Variants in RCC1L observed in about 807,000 individuals in gnomAD.
RCC1L encodes the protein RCC1-like G exchanging factor-like protein.
A neutral mutation model predicts 58.6 loss-of-function variants in RCC1L; 46 were observed. That is an observed-to-expected ratio of 0.79 (90% CI 0.62 to 1.00). RCC1L has a LOEUF of 1.00. Ranked by LOEUF, RCC1L falls within the 50% of genes least tolerant of loss-of-function variation. RCC1L has a pLI of 0.00. For synonymous variants in RCC1L, 281 were observed against 262.9 expected (o/e 1.07, Z -0.67); for missense variants, 636 against 623.6 (o/e 1.02, Z -0.21).
At chr7:75,058,494 G>C in intron 7 of RCC1L, 94 bp downstream of exon 7, 1 of 1,497,642 alleles carries the variant, frequency 6.7e-7, no homozygotes, top group East Asian at 2.5e-5. Flanking sequence ...GCCTTCCAAA[G>C]TGCTGGGATT....
chr7:75,042,915 A>G lies in RCC1L; in HGVS notation c.*117T>C. Reference sequence around the variant, plus strand: ...GATTCAGGACAGAGCGTCACACTGCACGCAGGGTCCTCCGCCACCACCATC... The same window carrying G: ...GATTCAGGACAGAGCGTCACACTGCGCGCAGGGTCCTCCGCCACCACCATC... On this transcript the variant is annotated 3_prime_UTR_variant, in exon 11 of 11. Coordinates refer to ENST00000610322, the MANE Select transcript of RCC1L (RefSeq NM_030798.5). The G allele has an allele frequency of 6.4e-7, 1 of 1,560,694 alleles. No homozygotes were observed. The highest frequency in any genetic ancestry group is 2.3e-5 in the East Asian group (1 of 43,392).
chr7:75,068,320 CAAAAA>C (rs67141856), intron 2 of RCC1L, among the ~76,000 whole-genome samples: 1 of 114,474 alleles, frequency 8.7e-6, no homozygotes, highest in African/African-American at 3.4e-5. Context: ...AACTCTGACT[CAAAAA>C]AAAAAAAAAA....
intron 10 of RCC1L, among the ~76,000 whole-genome samples, chr7:75,051,868 C>G (rs1480752611): frequency 6.6e-6 from 1 of 152,146 alleles, no homozygotes; most frequent in African/African-American, 2.4e-5. Context: ...CAGAGACTAT[C>G]TCTGGAAAGG....
intron 6 of RCC1L, among the ~76,000 whole-genome samples, chr7:75,060,591 C>T (rs1010945182): frequency 3.3e-5 from 5 of 152,254 alleles, no homozygotes; most frequent in African/African-American, 9.6e-5. Flanking sequence ...CCACCACACC[C>T]AGCTAATTTT....
chr7:75,055,492 G>A (rs960524567), intron 9 of RCC1L: 18 of 242,524 alleles, frequency 7.4e-5, no homozygotes, highest in Non-Finnish European at 7.4e-5. Flanking sequence ...CATATCCTGG[G>A]TCAGATCAGG....
At chr7:75,030,269 G>A (rs1044855321) in intron 10 of RCC1L, among the ~76,000 whole-genome samples, 1 of 152,250 alleles carries the variant, frequency 6.6e-6, no homozygotes, top group Non-Finnish European at 1.5e-5. Context: ...GAGTGTGTGC[G>A]TGCACGTGTG....
At chr7:75,038,548 G>C (rs1190073867), downstream of RCC1L, among the ~76,000 whole-genome samples, 3 of 147,048 alleles carry the variant, frequency 2.0e-5, no homozygotes, top group Non-Finnish European at 4.5e-5. Context: ...TTTTTTTGGC[G>C]CGCAGACCAG....
At chr7:75,071,155 C>T (rs1806713066) in intron 1 of RCC1L, among the ~76,000 whole-genome samples, 1 of 151,904 alleles carries the variant, frequency 6.6e-6, no homozygotes. Context: ...CGTGCCTGGC[C>T]CAAGAACACA....
intron 8 of RCC1L, among the ~76,000 whole-genome samples, chr7:75,056,896 G>A (rs1051535275): frequency 2.0e-5 from 3 of 152,084 alleles, no homozygotes; most frequent in Non-Finnish European, 2.9e-5. Context: ...ACTGCAGCTC[G>A]AACTCCTGGG....
intron 10 of RCC1L, among the ~76,000 whole-genome samples, chr7:75,029,693 G>C (rs1247064437): frequency 6.6e-6 from 1 of 152,130 alleles, no homozygotes; most frequent in African/African-American, 2.4e-5. Context: ...GCATGGGGAT[G>C]GGAAGAAGCA....
intron 10 of RCC1L, among the ~76,000 whole-genome samples, chr7:75,049,392 G>A (rs923624031): frequency 3.0e-4 from 46 of 152,148 alleles, no homozygotes; most frequent in Admixed American, 2.4e-3. Context: ...CGTGTGTGGT[G>A]GCACATGCCT....
chr7:75,047,951 TAAAAAAAAAAAAAAA>T (rs1165495607), intron 10 of RCC1L, among the ~76,000 whole-genome samples: 4 of 72,160 alleles, frequency 5.5e-5, no homozygotes, highest in Non-Finnish European at 7.1e-5. Context: ...GGCCAATAAT[TAAAAAAAAAAAAAAA>T]AAAAAAAAAA....
At chr7:75,036,366 C>T (rs903848738) in intron 10 of RCC1L, among the ~76,000 whole-genome samples, 3 of 147,170 alleles carry the variant, frequency 2.0e-5, no homozygotes, top group Non-Finnish European at 4.5e-5. Context: ...AGGTGACCTG[C>T]CCGCTTAGCC....
intron 8 of RCC1L, chr7:75,056,478 G>C (rs1806085351): frequency 1.4e-6 from 2 of 1,460,172 alleles, no homozygotes; most frequent in African/African-American, 1.4e-5. Flanking sequence ...CATCAACAAT[G>C]TCTGGCCAGA....
At chr7:75,056,451 G>T in intron 8 of RCC1L, 1 of 1,372,082 alleles carries the variant, frequency 7.3e-7, no homozygotes, top group South Asian at 1.5e-5. Context: ...GTTTCACACT[G>T]ATCAGAAGGC....
chr7:75,036,546 A>G lies in RCC1L; in HGVS notation c.1318-8467T>C, dbSNP rs1805433914. On this transcript the variant is annotated intron_variant, in intron 10 of 10. Coordinates refer to the RCC1L transcript ENST00000614461. ...CCACCCCATCTGCAGCTCCTGGCAT[A>G]CAGTACGTGCTGAGGAGCACGTGGT... Among the ~76,000 whole-genome samples the G allele has an allele frequency of 6.6e-5, 10 of 152,208 alleles. No individual in the cohort carries two copies. In the South Asian group the frequency reaches 2.1e-3, roughly 32 times the overall value.
chr7:75,069,780 G>T lies in RCC1L; in HGVS notation c.454+860C>A, dbSNP rs190963728. ...GGGTTTCACCATGTTGGCCAGGCTGGTCTCGAACTCCTGGCCTCAAGTGAT... is the reference window on the plus strand; with the variant it reads ...GGGTTTCACCATGTTGGCCAGGCTGTTCTCGAACTCCTGGCCTCAAGTGAT... On this transcript the variant is annotated intron_variant, in intron 2 of 10. Transcript: ENST00000610322. Among the ~76,000 whole-genome samples the T allele has an allele frequency of 2.8e-3, 423 of 151,514 alleles. 1 individual carries two copies. The highest frequency in any genetic ancestry group is 9.4e-3 in the African/African-American group (387 of 41,324).
At chr7:75,036,369 G>C (rs879237214) in intron 10 of RCC1L, among the ~76,000 whole-genome samples, 4 of 151,400 alleles carry the variant, frequency 2.6e-5, no homozygotes, top group African/African-American at 7.3e-5. Flanking sequence ...TGACCTGCCC[G>C]CTTAGCCTCC....
intron 6 of RCC1L, among the ~76,000 whole-genome samples, chr7:75,059,345 C>T (rs919901157): frequency 6.6e-6 from 1 of 151,156 alleles, no homozygotes; most frequent in African/African-American, 2.4e-5. Flanking sequence ...TCACTGCAAT[C>T]TCCAGCTCCT....
Sources: allele counts gnomAD v4.1 joint callset (sites outside exome capture counted in the v4.1 genomes callset), GRCh38; gene constraint gnomAD v4.1.1; transcripts MANE v1.5; gene names NCBI Gene and HGNC (gene_info 2026-07-23, HGNC 2026-07-21).